Variants in MAGI2 observed in about 807,000 individuals in gnomAD.
MAGI2 encodes membrane associated guanylate kinase, WW and PDZ domain containing 2.
MAGI2 carries 35 observed loss-of-function variants against 133.3 expected under a neutral mutation model. The observed-to-expected ratio is 0.26, with a 90% CI of 0.20 to 0.35. The LOEUF (loss-of-function observed/expected upper bound fraction) is 0.35, where lower values mean the gene tolerates loss of function less well. Ranked by LOEUF, MAGI2 falls within the 10% of genes least tolerant of loss-of-function variation. MAGI2 has a pLI of 1.00. For missense variants in MAGI2, 1,636 were observed against 1,863.4 expected, an observed-to-expected ratio of 0.88 and a Z score of 2.25; for synonymous variants, 729 against 710.6, an observed-to-expected ratio of 1.03 and a Z score of -0.41.
chr7:79,309,377 G>A (rs947061806), intron 1 of MAGI2, among the ~76,000 whole-genome samples: 1 of 150,190 alleles, frequency 6.7e-6, no homozygotes, highest in Non-Finnish European at 1.5e-5. Context: ...ATTTCCTAAG[G>A]TGATATTATA....
intron 2 of MAGI2, among the ~76,000 whole-genome samples, chr7:78,787,145 A>G (rs1826896470): frequency 6.6e-6 from 1 of 151,938 alleles, no homozygotes; most frequent in Admixed American, 6.6e-5. Context: ...AGGGGGTTTC[A>G]CCATGTTGGC....
At chr7:78,295,762 G>T (rs939696443) in intron 9 of MAGI2, among the ~76,000 whole-genome samples, 1 of 151,988 alleles carries the variant, frequency 6.6e-6, no homozygotes, top group Non-Finnish European at 1.5e-5. Context: ...GTATCTCCAG[G>T]CACAGTGTCT....
intron 21 of MAGI2, among the ~76,000 whole-genome samples, chr7:78,044,542 T>G (rs1446203561): frequency 6.6e-6 from 1 of 152,242 alleles, no homozygotes; most frequent in Non-Finnish European, 1.5e-5. Flanking sequence ...TATGGAAGAC[T>G]GGTTAGTACG....
intron 3 of MAGI2, among the ~76,000 whole-genome samples, chr7:78,573,277 T>TAA (rs1171577927): frequency 1.2e-4 from 7 of 57,262 alleles, no homozygotes; most frequent in Non-Finnish European, 1.9e-4. Flanking sequence ...TATATAAATA[T>TAA]ATATATTTAT....
chr7:79,224,400 G>A (rs774208025), intron 1 of MAGI2, among the ~76,000 whole-genome samples: 3 of 151,940 alleles, frequency 2.0e-5, no homozygotes, highest in Non-Finnish European at 4.4e-5. Context: ...ATGCTAAACA[G>A]TGAGTACTTT....
chr7:78,645,362 A>C (rs553443480), intron 2 of MAGI2, among the ~76,000 whole-genome samples: 3 of 152,336 alleles, frequency 2.0e-5, no homozygotes, highest in Non-Finnish European at 4.4e-5. Flanking sequence ...AAGAAAAGAA[A>C]ATTGCAGGAT....
chr7:78,453,375 G>T (rs1359154705), intron 6 of MAGI2, among the ~76,000 whole-genome samples: 1 of 152,162 alleles, frequency 6.6e-6, no homozygotes, highest in Non-Finnish European at 1.5e-5. Context: ...GAACAATTCT[G>T]TATAAAGGAA....
At position 78,135,088 on chromosome 7, in the gene MAGI2, G is replaced by A. The variant is rs553836901; in HGVS notation, c.2964C>T (p.His988=). ...VNGQSIINMP[H]ADIVKLIKDA... ...CCTTGATGAGCTTCACGATGTCAGC[G>A]TGAGGCATGTTGATGATAGACTGGC... is the stretch of plus-strand genomic sequence containing the variant. The change falls in exon 17 of 22, where the codon CAC becomes CAT. Residue 988 remains histidine, a synonymous_variant. Coordinates refer to ENST00000354212, the MANE Select transcript of MAGI2 (RefSeq NM_012301.4). 76 of 1,614,118 alleles carry A rather than the reference G, an allele frequency of 4.7e-5. No homozygotes were observed. In the South Asian group the frequency reaches 4.9e-4, roughly 10 times the overall value.
intron 2 of MAGI2, among the ~76,000 whole-genome samples, chr7:78,660,648 C>T (rs548079403): frequency 7.9e-5 from 12 of 152,026 alleles, no homozygotes; most frequent in African/African-American, 2.7e-4. Context: ...TTTTTAAAAC[C>T]CGCTTAAGTA....
intron 21 of MAGI2, among the ~76,000 whole-genome samples, chr7:78,044,610 T>A (rs1233953273): frequency 6.6e-6 from 1 of 151,950 alleles, no homozygotes. Context: ...TTTTGGGGAC[T>A]TGGTAGATGG....
chr7:78,419,975 C>T (rs1019773284), intron 6 of MAGI2, among the ~76,000 whole-genome samples: 2 of 152,114 alleles, frequency 1.3e-5, no homozygotes, highest in Non-Finnish European at 2.9e-5. Context: ...CCTAATTTGT[C>T]CTCACAGGAT....
At chr7:78,508,254 A>G (rs1795260738) in intron 4 of MAGI2, among the ~76,000 whole-genome samples, 1 of 151,468 alleles carries the variant, frequency 6.6e-6, no homozygotes, top group African/African-American at 2.4e-5. Context: ...GGGGGTTTGG[A>G]CTTCACCATA....
intron 1 of MAGI2, among the ~76,000 whole-genome samples, chr7:79,197,033 A>G (rs1203492382): frequency 6.6e-6 from 1 of 151,860 alleles, no homozygotes; most frequent in African/African-American, 2.4e-5. Context: ...TGCCTGCCTC[A>G]GTCTCCCAAA....
chr7:78,926,865 T>G (rs894851045), intron 2 of MAGI2, among the ~76,000 whole-genome samples: 2 of 151,362 alleles, frequency 1.3e-5, no homozygotes, highest in African/African-American at 4.8e-5. Flanking sequence ...GGAACATGAG[T>G]ACCATTCTGA....
intron 9 of MAGI2, among the ~76,000 whole-genome samples, chr7:78,300,081 T>C (rs1797700567): frequency 6.6e-6 from 1 of 152,188 alleles, no homozygotes. Flanking sequence ...ACAACAGTAG[T>C]ATAAGCAGAA....
intron 2 of MAGI2, among the ~76,000 whole-genome samples, chr7:78,963,908 AT>A (rs983830779): frequency 1.3e-5 from 2 of 151,904 alleles, no homozygotes; most frequent in African/African-American, 4.8e-5. Context: ...GGGTTTTTTA[AT>A]TTTGGTTTGC....
At chr7:79,191,402 CTTTTTTTTTTTTTTTTT>C (rs71095386) in intron 1 of MAGI2, among the ~76,000 whole-genome samples, 6 of 22,332 alleles carry the variant, frequency 2.7e-4, no homozygotes, top group East Asian at 1.5e-3. Flanking sequence ...CTTTTTCTTT[CTTTTTTTTTTTTTTTTT>C]TTTTTTTTTT....
At chr7:78,302,284 C>T (rs966317280) in intron 9 of MAGI2, among the ~76,000 whole-genome samples, 2 of 152,118 alleles carry the variant, frequency 1.3e-5, no homozygotes, top group African/African-American at 4.8e-5. Flanking sequence ...ATATAAATGC[C>T]TTGGTCCCAT....
chr7:79,007,284 A>G (rs1807555934), intron 1 of MAGI2, 78 bp from the exon 2 acceptor site: 9 of 770,470 alleles, frequency 1.2e-5, no homozygotes, highest in Non-Finnish European at 1.7e-5. Context: ...TCATCAATAT[A>G]CTCAGGAACC....
Sources: allele counts gnomAD v4.1 joint callset (sites outside exome capture counted in the v4.1 genomes callset), GRCh38; gene constraint gnomAD v4.1.1; transcripts MANE v1.5; gene names NCBI Gene and HGNC (gene_info 2026-07-23, HGNC 2026-07-21).